Variants in KIFC1 observed in about 807,000 individuals in gnomAD.
KIFC1 encodes the protein kinesin-like protein KIFC1.
KIFC1 carries 37 observed loss-of-function variants against 66.6 expected under a neutral mutation model. The observed-to-expected ratio is 0.56, with a 90% CI of 0.43 to 0.73. KIFC1 has a LOEUF of 0.73. KIFC1 is among the 30% of genes least tolerant of loss of function. The pLI, the probability that KIFC1 is intolerant of heterozygous loss-of-function variation, is 0.00. For synonymous variants in KIFC1, 325 were observed against 343.5 expected, an observed-to-expected ratio of 0.95 and a Z score of 0.60; for missense variants, 721 against 859.8, an observed-to-expected ratio of 0.84 and a Z score of 2.02.
chr6:33,403,794 G>C lies in KIFC1; in HGVS notation c.421G>C (p.Gly141Arg), dbSNP rs753357233. ...CAAACGTCCAGCCTGGGACTTAAAG[G>C]GTCAGTTATGTGACCTAAATGCAGA... The part of the protein sequence containing the change: ...PSKRPAWDLK[G>R]QLCDLNAELK... Residue 141 changes from glycine (G) to arginine (R), a missense_variant, in exon 6 of 11, where the codon GGT becomes CGT. Transcript: ENST00000428849. The surrounding 1 kb of genome is among the most constrained non-coding windows in gnomAD (Gnocchi z 4.6). The C allele has an allele frequency of 6.2e-7, 1 of 1,614,176 alleles. No individual in the cohort carries two copies. The highest frequency in any genetic ancestry group is 8.5e-7 in the Non-Finnish European group (1 of 1,180,034).
rs1775693113 is a variant in KIFC1, at chr6:33,406,928, C to T, written c.1977+53C>T. ...AGGACCCGTGGGTGGTTGTAGGCTTCTCCATTCCAATCCCTTTTGTCTTCT... is the reference window on the plus strand; with the variant it reads ...AGGACCCGTGGGTGGTTGTAGGCTTTTCCATTCCAATCCCTTTTGTCTTCT... On this transcript the variant is annotated intron_variant, in intron 10 of 10. Transcript: ENST00000428849. This position sits in a 1 kb window ranked among gnomAD's most constrained non-coding sequence, Gnocchi z 4.5. The T allele has an allele frequency of 5.6e-6, 9 of 1,610,760 alleles. No individual in the cohort carries two copies. The South Asian group carries it at 8.8e-5, about 16-fold the overall frequency.
intron 2 of KIFC1, 60 bp downstream of exon 2, chr6:33,398,226 G>T: frequency 1.9e-6 from 3 of 1,612,332 alleles, no homozygotes; most frequent in South Asian, 2.2e-5. Context: ...TGAAAGAAAG[G>T]AGAGAGAGAG....
chr6:33,396,987 C>CTTTTTTTTTTTTT (rs9282514), intron 1 of KIFC1, among the ~76,000 whole-genome samples: 3 of 89,204 alleles, frequency 3.4e-5, no homozygotes, highest in African/African-American at 8.9e-5. Flanking sequence ...TGGCCAAGTT[C>CTTTTTTTTTTTTT]TTTTTTTTTT....
At position 33,405,822 on chromosome 6, in the gene KIFC1, G is replaced by T. The variant is rs1775618802; in HGVS notation, c.1536+191G>T. ...GCCTTAACCTGGGAGTGGCGAGGGA[G>T]TGATGCATCTGCCAAAACGAGGAGG... On this transcript the variant is annotated intron_variant, in intron 7 of 10. Coordinates refer to ENST00000428849, the MANE Select transcript of KIFC1 (RefSeq NM_002263.4). This position sits in a 1 kb window ranked among gnomAD's most constrained non-coding sequence, Gnocchi z 5.4. Among the ~76,000 whole-genome samples the T allele has an allele frequency of 6.6e-6, 1 of 152,162 alleles. No individual in the cohort carries two copies. Among genetic ancestry groups the T allele is most frequent in the South Asian group, 2.1e-4 (1 of 4,836 alleles).
rs1775850846 is a variant in KIFC1, at chr6:33,409,752, T to C, written c.*62T>C. 1.4e-6 allele frequency: 2 copies of C among 1,422,040 alleles called. No homozygotes were observed. The highest frequency in any genetic ancestry group is 1.9e-6 in the Non-Finnish European group (2 of 1,026,894). 88.1% of individuals were successfully genotyped at this position (1,422,040 alleles called of 1,614,324 possible). A position where few individuals can be genotyped will look rare whatever the true frequency, so the allele number is the denominator to read the frequency against. On this transcript the variant is annotated 3_prime_UTR_variant, in exon 11 of 11. Transcript: ENST00000428849. The stretch of plus-strand genomic sequence containing the variant: ...GTGTGTGTGTGTGTGTGTGTGTGTG[T>C]GTCCCTATGTCTATGTATCGGGTGA...
At chr6:33,399,451 A>G (rs1006440076) in intron 3 of KIFC1, among the ~76,000 whole-genome samples, 2 of 152,212 alleles carry the variant, frequency 1.3e-5, no homozygotes, top group African/African-American at 2.4e-5. Context: ...AGTTATGGTC[A>G]TGTGTCACTT....
At position 33,401,720 on chromosome 6, in the gene KIFC1, G is replaced by A. The variant is rs1346370938; in HGVS notation, c.251-1594G>A. The stretch of plus-strand genomic sequence containing the variant: ...CTGGATTGCCTTTTTTTTTTTTTTT[G>A]AGACGGAGTCTCGCACTGTCGCCCA... On this transcript the variant is annotated intron_variant, in intron 3 of 10. Transcript: ENST00000428849. The surrounding 1 kb of genome is among the most constrained non-coding windows in gnomAD (Gnocchi z 4.5). 9.6e-6 allele frequency among the ~76,000 whole-genome samples: 1 copy of A among 104,080 alleles called. No homozygotes were observed. The highest frequency in any genetic ancestry group is 3.0e-4 in the South Asian group (1 of 3,294). 68.3% of individuals were successfully genotyped at this position (104,080 alleles called of 152,430 possible).
Position 33,409,659 on chromosome 6 carries a change from T to C in KIFC1, c.1991T>C (p.Val664Ala). 1 of 1,613,226 alleles carries C rather than the reference T, an allele frequency of 6.2e-7. No homozygotes were observed. Among genetic ancestry groups the C allele is most frequent in the Non-Finnish European group, 8.5e-7 (1 of 1,179,772 alleles). Residue 664 changes from valine to alanine, a missense_variant, in exon 11 of 11, where the codon GTT becomes GCT. Physicochemically the swap from Val to Ala is moderately conservative, Grantham distance 64. Coordinates refer to ENST00000428849, the MANE Select transcript of KIFC1 (RefSeq NM_002263.4). ...LRFASKVNQCVIGTAQANRK is the reference protein window; with the variant it reads ...LRFASKVNQCAIGTAQANRK ...CCCTGCCCCCAGGTGAACCAGTGTG[T>C]TATTGGTACTGCTCAGGCCAACAGG...
In KIFC1 at chr6:33,403,570, G is replaced by T. The variant is rs1562834563; in HGVS notation, c.355+35G>T. ...AAACATAACCACTGGGTGAGAGGCT[G>T]GGATAGGGAAGAGAAGATGGTGAGT... On this transcript the variant is annotated intron_variant, in intron 5 of 10. Transcript: ENST00000428849. The surrounding 1 kb of genome is among the most constrained non-coding windows in gnomAD (Gnocchi z 4.6). 6.2e-7 allele frequency: 1 copy of T among 1,609,304 alleles called. No homozygotes were observed. The highest frequency in any genetic ancestry group is 8.5e-7 in the Non-Finnish European group (1 of 1,175,632).
At chr6:33,409,207 C>T (rs1775792441) in intron 10 of KIFC1, among the ~76,000 whole-genome samples, 1 of 152,176 alleles carries the variant, frequency 6.6e-6, no homozygotes, top group South Asian at 2.1e-4. Flanking sequence ...AGATTGGTGC[C>T]AGTGTCCTTT....
intron 1 of KIFC1, among the ~76,000 whole-genome samples, chr6:33,392,444 G>A (rs1774836081): frequency 6.6e-6 from 1 of 152,196 alleles, no homozygotes; most frequent in African/African-American, 2.4e-5. Flanking sequence ...CCTTATCACT[G>A]CTGCTTCGGA....
chr6:33,398,658 G>T (rs753755736), intron 3 of KIFC1, among the ~76,000 whole-genome samples: 25 of 151,982 alleles, frequency 1.6e-4, no homozygotes, highest in Admixed American at 1.4e-3. Context: ...TAGAGATGGG[G>T]TTTCGCCATG....
chr6:33,408,289 T>C (rs922406076), intron 10 of KIFC1, among the ~76,000 whole-genome samples: 3 of 152,358 alleles, frequency 2.0e-5, no homozygotes, highest in South Asian at 4.1e-4. Flanking sequence ...TTATGTCGTT[T>C]GTTGAAGGTC....
Position 33,400,135 on chromosome 6 carries a change from C to G in KIFC1, c.250+1748C>G. 1 of 1,037,170 alleles carries G rather than the reference C, an allele frequency of 9.6e-7. No homozygotes were observed. The highest frequency in any genetic ancestry group is 1.5e-6 in the Non-Finnish European group (1 of 668,720). 64.2% of individuals were successfully genotyped at this position (1,037,170 alleles called of 1,614,324 possible). A position where few individuals can be genotyped will look rare whatever the true frequency, so the allele number is the denominator to read the frequency against. On this transcript the variant is annotated intron_variant, in intron 3 of 10. Coordinates refer to ENST00000428849, the MANE Select transcript of KIFC1 (RefSeq NM_002263.4). This position sits in a 1 kb window ranked among gnomAD's most constrained non-coding sequence, Gnocchi z 4.3. ...ATGAGGGTGGTGGCCATCAACATTA[C>G]AGCCCATAGACTGGGCAGTCCCCGG...
intron 1 of KIFC1, among the ~76,000 whole-genome samples, chr6:33,393,073 A>C (rs1774868188): frequency 6.6e-6 from 1 of 152,220 alleles, no homozygotes; most frequent in Admixed American, 6.5e-5. Flanking sequence ...TTAGAGTATT[A>C]AATAGGGTGG....
chr6:33,393,849 C>T (rs374935843), intron 1 of KIFC1, among the ~76,000 whole-genome samples: 4 of 146,984 alleles, frequency 2.7e-5, no homozygotes, highest in South Asian at 2.2e-4. Flanking sequence ...CGGGTTCAGG[C>T]GATTCTCCTG....
At position 33,405,330 on chromosome 6, in the gene KIFC1, C is replaced by A; in HGVS notation, c.1235C>A (p.Thr412Lys). The change falls in exon 7 of 11, where the codon ACA (threonine) becomes AAA (lysine). Residue 412 changes from threonine to lysine, a missense_variant. Coordinates refer to ENST00000428849, the MANE Select transcript of KIFC1 (RefSeq NM_002263.4). The surrounding 1 kb of genome is among the most constrained non-coding windows in gnomAD (Gnocchi z 5.4). ...YPVCIFAYGQ[T>K]GSGKTFTMEG... ...GTATGCATCTTTGCCTATGGCCAGA[C>A]AGGCAGTGGCAAGACCTTCACAATG... is the stretch of plus-strand genomic sequence containing the variant. The A allele has an allele frequency of 1.9e-6, 3 of 1,614,012 alleles. No individual in the cohort carries two copies. The highest frequency in any genetic ancestry group is 2.5e-6 in the Non-Finnish European group (3 of 1,179,954).
rs930476296 is a variant in KIFC1 at position 33,404,758 on chromosome 6, G to A, written c.757-94G>A. ...AGACTTTGAGGTCCTTTTGAGCAGG[G>A]ACCTCACTTCCACCCACTCCATACG... On this transcript the variant is annotated intron_variant, in intron 6 of 10. Transcript: ENST00000428849. The surrounding 1 kb of genome is among the most constrained non-coding windows in gnomAD (Gnocchi z 4.0). 3 of 1,176,524 alleles carry A rather than the reference G, an allele frequency of 2.5e-6. No individual in the cohort carries two copies. Among genetic ancestry groups the A allele is most frequent in the South Asian group, 1.5e-5 (1 of 66,498 alleles). The allele number at this position is 1,176,524 out of a possible 1,614,324, so 72.9% of individuals were successfully genotyped here.
At chr6:33,407,245 C>CA (rs1337615822) in intron 10 of KIFC1, 7 of 183,880 alleles carry the variant, frequency 3.8e-5, no homozygotes, top group African/African-American at 1.7e-4. Context: ...CCTGTCTCTA[C>CA]AAAAAATAGG....
Sources: allele counts gnomAD v4.1 joint callset (sites outside exome capture counted in the v4.1 genomes callset), GRCh38; gene constraint gnomAD v4.1.1; non-coding constraint Gnocchi (gnomAD v3.1); transcripts MANE v1.5; gene names NCBI Gene and HGNC (gene_info 2026-07-23, HGNC 2026-07-21).